The following ENAH variants were observed in gnomAD, a reference collection of about 807,000 sequenced individuals.
ENAH encodes the protein protein enabled homolog.
Under a neutral mutation model 78.7 loss-of-function variants are expected in ENAH, and 23 were observed. The observed-to-expected ratio is 0.29, with a 90% CI of 0.21 to 0.41. The LOEUF (loss-of-function observed/expected upper bound fraction) is 0.41, where lower values mean the gene tolerates loss of function less well. ENAH is among the 10% of genes least tolerant of loss of function. The probability of loss-of-function intolerance (pLI) is 1.00; values close to 1 mark genes in which losing one functional copy is unlikely to be tolerated. For missense variants in ENAH, 544 were observed against 691.0 expected (o/e 0.79, Z 2.39); for synonymous variants, 226 against 241.0 (o/e 0.94, Z 0.58).
At chr1:225,531,672 G>A (rs532461939) in intron 3 of ENAH, among the ~76,000 whole-genome samples, 1 of 152,134 alleles carries the variant, frequency 6.6e-6, no homozygotes, top group East Asian at 1.9e-4. Flanking sequence ...AGACAACTTA[G>A]GAAAATAAGT....
intron 1 of ENAH, among the ~76,000 whole-genome samples, chr1:225,628,120 A>C (rs1353386913): frequency 7.2e-5 from 11 of 152,246 alleles, no homozygotes; most frequent in Non-Finnish European, 2.9e-5. Flanking sequence ...GGTGTAATTC[A>C]GGATAGAAGC....
intron 4 of ENAH, among the ~76,000 whole-genome samples, chr1:225,529,403 T>A (rs888793367): frequency 6.6e-6 from 1 of 152,182 alleles, no homozygotes; most frequent in African/African-American, 2.4e-5. Context: ...AGATCTACCC[T>A]GACCACTCTA....
rs112831439 is a variant in ENAH at position 225,612,005 on chromosome 1, G to A, written c.5+40681C>T. Among the ~76,000 whole-genome samples, 20 of 152,242 alleles carry A rather than the reference G, an allele frequency of 1.3e-4. No individual in the cohort carries two copies. In the East Asian group the frequency reaches 3.1e-3, roughly 23 times the overall value. The stretch of plus-strand genomic sequence containing the variant: ...GAGAATGTGAAATCACACAGCCAAC[G>A]GGGAAACCAGTTTGGCCAGTCCTCA... On this transcript the variant is annotated intron_variant, in intron 1 of 13. Transcript: ENST00000366843.
intron 3 of ENAH, 114 bp from the exon 4 acceptor site, chr1:225,530,752 T>C (rs1026755291): frequency 1.1e-5 from 9 of 796,230 alleles, no homozygotes; most frequent in Non-Finnish European, 1.4e-5. Context: ...CGTGTCTTCT[T>C]TTTGTCTAGC....
chr1:225,531,196 A>C (rs1362304171), intron 3 of ENAH: 6 of 395,912 alleles, frequency 1.5e-5, no homozygotes, highest in African/African-American at 1.2e-4. Flanking sequence ...ACTGGTGAAA[A>C]CAAACATTTG....
intron 1 of ENAH, among the ~76,000 whole-genome samples, chr1:225,588,547 C>T (rs1205507447): frequency 6.6e-6 from 1 of 152,176 alleles, no homozygotes; most frequent in Non-Finnish European, 1.5e-5. Context: ...TAGTGGCTCA[C>T]GCCTGTAATC....
intron 1 of ENAH, among the ~76,000 whole-genome samples, chr1:225,628,604 AT>A (rs1210437021): frequency 6.6e-6 from 1 of 152,142 alleles, no homozygotes; most frequent in Non-Finnish European, 1.5e-5. Context: ...AAAGAAGAAC[AT>A]TTTTTTAAAA....
chr1:225,521,832 G>A (rs937567381), intron 4 of ENAH, among the ~76,000 whole-genome samples: 6 of 151,830 alleles, frequency 4.0e-5, no homozygotes, highest in Middle Eastern at 3.4e-3. Context: ...GTCTTGCTCT[G>A]TCGCCCAGGC....
chr1:225,624,563 G>A (rs554005378), intron 1 of ENAH, among the ~76,000 whole-genome samples: 10 of 152,254 alleles, frequency 6.6e-5, no homozygotes, highest in Non-Finnish European at 4.4e-5. Context: ...GGCAGAAGTT[G>A]CAGTGAGCTG....
chr1:225,578,923 G>C (rs947154181), intron 1 of ENAH, among the ~76,000 whole-genome samples: 4 of 152,172 alleles, frequency 2.6e-5, no homozygotes, highest in Non-Finnish European at 5.9e-5. Context: ...CAGTTACTGA[G>C]CCAGTGTTGA....
At position 225,514,779 on chromosome 1, in the gene ENAH, G is replaced by A. The variant is rs541632512; in HGVS notation, c.1035C>T (p.Thr345=). ...GPPPPPPLPS[T]GPPPPPPPPP... is the part of the protein sequence containing the mutation. ...GGGGAGGAGGGGGCGGTGGAGGCCC[G>A]GTGGATGGGAGTGGAGGAGGTGGAG... Residue 345 remains threonine (T), a synonymous_variant, in exon 7 of 14, where the codon ACC becomes ACT. Transcript: ENST00000366843. 17 of 1,507,972 alleles carry A rather than the reference G, an allele frequency of 1.1e-5. No individual in the cohort carries two copies. Among genetic ancestry groups the A allele is most frequent in the East Asian group, 5.1e-5 (2 of 38,870 alleles). The allele number at this position is 1,507,972 out of a possible 1,614,324, so 93.4% of individuals were successfully genotyped here. A position where few individuals can be genotyped will look rare whatever the true frequency, so the allele number is the denominator to read the frequency against.
intron 1 of ENAH, among the ~76,000 whole-genome samples, chr1:225,584,254 G>C (rs1377618981): frequency 2.0e-5 from 3 of 152,132 alleles, no homozygotes; most frequent in Non-Finnish European, 4.4e-5. Flanking sequence ...TATGCAGATA[G>C]GATATATCAG....
At chr1:225,581,995 CTG>C (rs1313235555) in intron 1 of ENAH, among the ~76,000 whole-genome samples, 2 of 152,000 alleles carry the variant, frequency 1.3e-5, no homozygotes, top group Non-Finnish European at 2.9e-5. Flanking sequence ...TGGTTTGGAT[CTG>C]TGTCCCTGCC....
chr1:225,489,966 T>C lies in ENAH; in HGVS notation c.*7809A>G, dbSNP rs947973220. On this transcript the variant is annotated 3_prime_UTR_variant, in exon 14 of 14. Transcript: ENST00000366843. ...TGTCTCGAAATAATAATAATAACAA[T>C]AATAATAAAAAGCTTTATCTATCCT... is the stretch of plus-strand genomic sequence containing the variant. 2.6e-5 allele frequency: 4 copies of C among 151,358 alleles called. No individual in the cohort carries two copies. The highest frequency in any genetic ancestry group is 7.3e-5 in the African/African-American group (3 of 41,146). The allele number at this position is 151,358 out of a possible 1,614,324, so 9.4% of individuals were successfully genotyped here.
intron 1 of ENAH, among the ~76,000 whole-genome samples, chr1:225,608,436 T>G (rs1388754672): frequency 1.3e-5 from 2 of 151,270 alleles, no homozygotes; most frequent in Non-Finnish European, 2.9e-5. Context: ...AGACTCACAT[T>G]AAGAAATATC....
intron 1 of ENAH, chr1:225,652,242 T>C: frequency 1.3e-6 from 1 of 790,270 alleles, no homozygotes; most frequent in Non-Finnish European, 1.5e-6. Context: ...TTTCAAACTT[T>C]TCTTCCTTTT....
intron 1 of ENAH, among the ~76,000 whole-genome samples, chr1:225,593,424 G>T (rs2096887801): frequency 8.4e-6 from 1 of 118,630 alleles, no homozygotes; most frequent in Non-Finnish European, 1.7e-5. Flanking sequence ...GGGGTGGGGG[G>T]TGCCCTAGTA....
At chr1:225,628,862 C>T (rs1280030800) in intron 1 of ENAH, among the ~76,000 whole-genome samples, 6 of 147,730 alleles carry the variant, frequency 4.1e-5, no homozygotes, top group African/African-American at 1.3e-4. Flanking sequence ...GTGGAGATCG[C>T]GTCATTGCAC....
At chr1:225,583,237 G>C (rs958204621) in intron 1 of ENAH, among the ~76,000 whole-genome samples, 1 of 152,100 alleles carries the variant, frequency 6.6e-6, no homozygotes, top group African/African-American at 2.4e-5. Context: ...AGAAGTTCAA[G>C]ACTAGCCTGG....
Sources: allele counts gnomAD v4.1 joint callset (sites outside exome capture counted in the v4.1 genomes callset), GRCh38; gene constraint gnomAD v4.1.1; transcripts MANE v1.5; gene names NCBI Gene and HGNC (gene_info 2026-07-23, HGNC 2026-07-21).